Variants in ANKRD13A observed in about 807,000 individuals in gnomAD.
ANKRD13A encodes the protein ankyrin repeat domain-containing protein 13A.
Under a neutral mutation model 81.3 loss-of-function variants are expected in ANKRD13A, and 48 were observed. The observed-to-expected ratio is 0.59, with a 90% CI of 0.47 to 0.75. The LOEUF is 0.75. ANKRD13A is among the 30% of genes least tolerant of loss of function. The pLI, the probability that ANKRD13A is intolerant of heterozygous loss-of-function variation, is 0.00. For missense variants in ANKRD13A, 612 were observed against 734.0 expected (o/e 0.83, Z 1.92); for synonymous variants, 230 against 270.1 (o/e 0.85, Z 1.45).
At chr12:110,003,345 G>A (rs1018036003) in intron 1 of ANKRD13A, among the ~76,000 whole-genome samples, 5 of 152,168 alleles carry the variant, frequency 3.3e-5, no homozygotes, top group African/African-American at 9.7e-5. Context: ...GTGAGGCCCC[G>A]GGCACAGATT....
chr12:110,031,254 C>G (rs1331423890), intron 12 of ANKRD13A, among the ~76,000 whole-genome samples: 1 of 151,514 alleles, frequency 6.6e-6, no homozygotes, highest in African/African-American at 2.4e-5. Flanking sequence ...TATATATGAT[C>G]CTAGTTATAT....
At chr12:110,030,947 T>C (rs1891652281) in intron 12 of ANKRD13A, among the ~76,000 whole-genome samples, 189 bp downstream of exon 12, 1 of 151,982 alleles carries the variant, frequency 6.6e-6, no homozygotes, top group Middle Eastern at 3.4e-3. Context: ...ATACAAAAAT[T>C]AGCCGGGTGT....
At chr12:110,011,472 G>A (rs141182055) in intron 1 of ANKRD13A, among the ~76,000 whole-genome samples, 1 of 152,334 alleles carries the variant, frequency 6.6e-6, no homozygotes, top group East Asian at 1.9e-4. Context: ...GAGTTTATGT[G>A]CTACTTCAAG....
At chr12:109,999,238 T>G (rs934368451), upstream of ANKRD13A, 14 of 152,758 alleles carry the variant, frequency 9.2e-5, no homozygotes, top group Admixed American at 9.2e-4. The surrounding 1 kb of genome is among the most constrained non-coding windows in gnomAD (Gnocchi z 4.3). Flanking sequence ...GACGGAACTT[T>G]CCGCGTGGAG....
At position 110,018,254 on chromosome 12, in the gene ANKRD13A, C is replaced by G; in HGVS notation, c.401-91C>G. On this transcript the variant is annotated intron_variant, in intron 4 of 14. Coordinates refer to ENST00000261739, the MANE Select transcript of ANKRD13A (RefSeq NM_033121.2). This position sits in a 1 kb window ranked among gnomAD's most constrained non-coding sequence, Gnocchi z 4.4. ...TGATGGTCACCATCTTGCCACTCCC[C>G]TCCTTTTATTAAATCAGAATCCTGA... is the stretch of plus-strand genomic sequence containing the variant. 1 of 1,397,530 alleles carries G rather than the reference C, an allele frequency of 7.2e-7. No homozygotes were observed. Among genetic ancestry groups the G allele is most frequent in the Non-Finnish European group, 9.8e-7 (1 of 1,024,352 alleles). The allele number at this position is 1,397,530 out of a possible 1,614,324, so 86.6% of individuals were successfully genotyped here.
intron 5 of ANKRD13A, 128 bp from the exon 6 acceptor site, chr12:110,019,011 C>G (rs758371790): frequency 2.1e-6 from 2 of 959,708 alleles, no homozygotes; most frequent in Non-Finnish European, 3.1e-6. Context: ...AATCAGTACA[C>G]TGTAGGTTTT....
chr12:110,025,597 G>A (rs1453422439), intron 7 of ANKRD13A, 145 bp from the exon 8 acceptor site: 1 of 656,762 alleles, frequency 1.5e-6, no homozygotes, highest in East Asian at 2.7e-5. Flanking sequence ...TTTCTCTGAA[G>A]GATCCTAATG....
chr12:110,023,215 C>G (rs1412993933), intron 6 of ANKRD13A, among the ~76,000 whole-genome samples: 1 of 152,128 alleles, frequency 6.6e-6, no homozygotes, highest in Non-Finnish European at 1.5e-5. Context: ...GGTCAGGGAT[C>G]CCCTGTGAGA....
At position 110,018,918 on chromosome 12, in the gene ANKRD13A, G is replaced by T. The variant is rs932832216; in HGVS notation, c.545-221G>T. 3.3e-5 allele frequency among the ~76,000 whole-genome samples: 5 copies of T among 152,126 alleles called. No homozygotes were observed. The highest frequency in any genetic ancestry group is 7.3e-5 in the Non-Finnish European group (5 of 68,036). On this transcript the variant is annotated intron_variant, in intron 5 of 14. Transcript: ENST00000261739. The surrounding 1 kb of genome is among the most constrained non-coding windows in gnomAD (Gnocchi z 4.4). Reference sequence around the variant, plus strand: ...AATGCAGATTATTAAGAAAAATTCCGCACCTTTGGGGAAGATGGCTCAGAG... The same window carrying T: ...AATGCAGATTATTAAGAAAAATTCCTCACCTTTGGGGAAGATGGCTCAGAG...
intron 1 of ANKRD13A, among the ~76,000 whole-genome samples, chr12:110,002,881 C>T (rs1030491338): frequency 1.3e-5 from 2 of 152,114 alleles, no homozygotes; most frequent in Non-Finnish European, 2.9e-5. Context: ...TGAGCCAGCC[C>T]CAATCCCACT....
At chr12:110,019,802 C>A (rs1410580453) in intron 6 of ANKRD13A, among the ~76,000 whole-genome samples, 1 of 151,544 alleles carries the variant, frequency 6.6e-6, no homozygotes, top group Non-Finnish European at 1.5e-5. Context: ...TTTGTTTAAC[C>A]CACCTGTGAG....
intron 13 of ANKRD13A, among the ~76,000 whole-genome samples, chr12:110,035,325 C>T (rs371304138): frequency 1.3e-5 from 2 of 152,186 alleles, no homozygotes; most frequent in African/African-American, 2.4e-5. Flanking sequence ...GAATTACTGG[C>T]TGGGTGCAGT....
At position 110,028,072 on chromosome 12, in the gene ANKRD13A, G is replaced by A. The variant is rs532419201; in HGVS notation, c.945+306G>A. On this transcript the variant is annotated intron_variant, in intron 9 of 14. Coordinates refer to ENST00000261739, the MANE Select transcript of ANKRD13A (RefSeq NM_033121.2). ...GGATTCAGGACTTTATATTGCAACAGAGCACCTTAACAAATATTTTCTTAC... is the reference window on the plus strand; with the variant it reads ...GGATTCAGGACTTTATATTGCAACAAAGCACCTTAACAAATATTTTCTTAC... The A allele has an allele frequency of 2.2e-4, 83 of 376,446 alleles. 2 individuals carry two copies. The highest frequency in any genetic ancestry group is 1.7e-3 in the South Asian group (48 of 28,408). The allele number at this position is 376,446 out of a possible 1,614,324, so 23.3% of individuals were successfully genotyped here. A position where few individuals can be genotyped will look rare whatever the true frequency, so the allele number is the denominator to read the frequency against.
At chr12:110,029,385 A>G in intron 10 of ANKRD13A, 93 bp from the exon 11 acceptor site, 1 of 1,368,112 alleles carries the variant, frequency 7.3e-7, no homozygotes, top group Non-Finnish European at 1.0e-6. Context: ...AGTGTGGAGT[A>G]AAGCTGCTGT....
At chr12:110,024,829 A>C (rs1891237916) in intron 7 of ANKRD13A, among the ~76,000 whole-genome samples, 1 of 152,092 alleles carries the variant, frequency 6.6e-6, no homozygotes, top group African/African-American at 2.4e-5. Context: ...ATATAGAGAG[A>C]ATTCTTTGTT....
chr12:110,038,903 C>T lies in ANKRD13A; in HGVS notation c.*1349C>T, dbSNP rs1237634854. On this transcript the variant is annotated 3_prime_UTR_variant, in exon 15 of 15. Coordinates refer to ENST00000261739, the MANE Select transcript of ANKRD13A (RefSeq NM_033121.2). The stretch of plus-strand genomic sequence containing the variant: ...ACTGAAATAACCTGGTAAACAACAC[C>T]CTCCTCCATTTTGCGTCTATTTCTT... The T allele has an allele frequency of 1.3e-5, 2 of 151,518 alleles. No individual in the cohort carries two copies. The highest frequency in any genetic ancestry group is 3.0e-5 in the Non-Finnish European group (2 of 67,546). 9.4% of individuals were successfully genotyped at this position (151,518 alleles called of 1,614,324 possible). A position where few individuals can be genotyped will look rare whatever the true frequency, so the allele number is the denominator to read the frequency against.
rs200987985 is a variant in ANKRD13A at position 110,037,335 on chromosome 12, C to A, written c.1578-24C>A. 4 of 1,602,218 alleles carry A rather than the reference C, an allele frequency of 2.5e-6. No homozygotes were observed. In the Admixed American group the frequency reaches 6.9e-5, roughly 28 times the overall value. On this transcript the variant is annotated intron_variant, in intron 14 of 14. Coordinates refer to ENST00000261739, the MANE Select transcript of ANKRD13A (RefSeq NM_033121.2). Reference sequence around the variant, plus strand: ...ATGATGATGATAGTAGTGACTCTCCCTTTTTATCTGTTTTCCAACCCAGGG... The same window carrying A: ...ATGATGATGATAGTAGTGACTCTCCATTTTTATCTGTTTTCCAACCCAGGG...
rs372570020 is a variant in ANKRD13A at position 110,019,769 on chromosome 12, ATGTTTGTTTGTT to A, written c.734+459_734+470del. 5.3e-5 allele frequency among the ~76,000 whole-genome samples: 8 copies of A among 152,098 alleles called. No homozygotes were observed. The South Asian group carries it at 6.2e-4, about 12-fold the overall frequency. On this transcript the variant is annotated intron_variant, in intron 6 of 14. Coordinates refer to ENST00000261739, the MANE Select transcript of ANKRD13A (RefSeq NM_033121.2). Reference sequence around the variant, plus strand: ...AGATTCACACTTACTATATAGTTAAATGTTTGTTTGTTTGTTTGTTTGTTTGTTTAACCCACC... The same window carrying A: ...AGATTCACACTTACTATATAGTTAAATGTTTGTTTGTTTGTTTAACCCACC...
At chr12:110,005,654 G>A (rs56960173) in intron 1 of ANKRD13A, among the ~76,000 whole-genome samples, 28,630 of 152,108 alleles carry the variant, frequency 0.19, 4,962 homozygotes, top group African/African-American at 0.47. Flanking sequence ...TGTTTCAGGT[G>A]CTTAATTCCT....
Sources: allele counts gnomAD v4.1 joint callset (sites outside exome capture counted in the v4.1 genomes callset), GRCh38; gene constraint gnomAD v4.1.1; non-coding constraint Gnocchi (gnomAD v3.1); transcripts MANE v1.5; gene names NCBI Gene and HGNC (gene_info 2026-07-23, HGNC 2026-07-21).